MSRB2: variants seen among roughly 807,000 people sequenced by gnomAD.
The protein encoded by MSRB2 is methionine-R-sulfoxide reductase B2, mitochondrial.
Under a neutral mutation model 19.0 loss-of-function variants are expected in MSRB2, and 17 were observed. That is an observed-to-expected ratio of 0.89 (90% confidence interval 0.61 to 1.34). MSRB2 has a LOEUF of 1.34. Among genes scored for constraint, MSRB2 ranks in the 40% most tolerant of loss-of-function variants. The probability of loss-of-function intolerance (pLI) is 0.00; values close to 1 mark genes in which losing one functional copy is unlikely to be tolerated. For missense variants in MSRB2, 208 were observed against 237.6 expected, an observed-to-expected ratio of 0.88 and a Z score of 0.82; for synonymous variants, 107 against 99.7, an observed-to-expected ratio of 1.07 and a Z score of -0.44.
At chr10:23,111,193 C>T (rs533036079) in intron 3 of MSRB2, among the ~76,000 whole-genome samples, 1 of 152,318 alleles carries the variant, frequency 6.6e-6, no homozygotes, top group African/African-American at 2.4e-5. Flanking sequence ...CGATTAGCAT[C>T]GATTTTCCTC....
chr10:23,107,786 A>G (rs74121746), intron 2 of MSRB2, among the ~76,000 whole-genome samples: 1,597 of 152,224 alleles, frequency 0.01, 26 homozygotes, highest in African/African-American at 0.037. Context: ...CTGGGTTTAT[A>G]TTAGATTATC....
At chr10:23,102,646 G>A (rs532119791) in intron 1 of MSRB2, among the ~76,000 whole-genome samples, 35 of 152,324 alleles carry the variant, frequency 2.3e-4, no homozygotes, top group Admixed American at 5.2e-4. Flanking sequence ...CTTGGTTAAA[G>A]TAGTGGCATT....
intron 1 of MSRB2, among the ~76,000 whole-genome samples, chr10:23,103,762 C>A (rs1429723154): frequency 6.6e-6 from 1 of 152,182 alleles, no homozygotes; most frequent in African/African-American, 2.4e-5. Flanking sequence ...CCCAATGCCT[C>A]AACTACTTCT....
intron 3 of MSRB2, among the ~76,000 whole-genome samples, chr10:23,117,668 G>GC (rs1840126792): frequency 6.6e-6 from 1 of 152,092 alleles, no homozygotes; most frequent in Non-Finnish European, 1.5e-5. Context: ...TCCACTCACT[G>GC]CAACCACTGC....
intron 1 of MSRB2, among the ~76,000 whole-genome samples, chr10:23,096,950 C>T (rs1839875815): frequency 6.6e-6 from 1 of 152,124 alleles, no homozygotes; most frequent in Non-Finnish European, 1.5e-5. Context: ...AATGAATTGC[C>T]CTGGGATCTG....
chr10:23,120,663 C>T lies in MSRB2; in HGVS notation c.445-95C>T, dbSNP rs540518858. The T allele has an allele frequency of 1.1e-3, 875 of 817,426 alleles. 12 individuals carry two copies. The African/African-American group carries it at 0.014, about 13-fold the overall frequency. 50.6% of individuals were successfully genotyped at this position (817,426 alleles called of 1,614,324 possible). ...TTCTCCTAACACAGATGTCAGACTC[C>T]GGAGTGGAGTGATTTTGGGGGGGTT... On this transcript the variant is annotated intron_variant, in intron 4 of 4. Coordinates refer to ENST00000376510, the MANE Select transcript of MSRB2 (RefSeq NM_012228.4).
At position 23,099,259 on chromosome 10, in the gene MSRB2, G is replaced by A. The variant is rs1052509654; in HGVS notation, c.118+3533G>A. Among the ~76,000 whole-genome samples the A allele has an allele frequency of 1.9e-4, 29 of 152,200 alleles. 1 individual carries two copies. The highest frequency in any genetic ancestry group is 3.4e-4 in the Non-Finnish European group (23 of 68,042). On this transcript the variant is annotated intron_variant, in intron 1 of 4. Transcript: ENST00000376510. ...AGCCCACATATAACCTGACCTGGGT[G>A]TACCCAACTGAGCGTTCATCATTTT...
chr10:23,112,748 A>C (rs577467248), intron 3 of MSRB2, among the ~76,000 whole-genome samples: 107 of 152,044 alleles, frequency 7.0e-4, no homozygotes, highest in Non-Finnish European at 1.3e-3. Flanking sequence ...ATGCCTGGCT[A>C]ATTTTTTGTA....
rs571720676 is a variant in MSRB2, at chr10:23,111,924, T to G, written c.296+1606T>G. ...AATTTTAATTAATTTAAACTTTAAT[T>G]TTAATTAATTTAAACTTAAATGTAA... On this transcript the variant is annotated intron_variant, in intron 3 of 4. Coordinates refer to ENST00000376510, the MANE Select transcript of MSRB2 (RefSeq NM_012228.4). Among the ~76,000 whole-genome samples, 183 of 151,198 alleles carry G rather than the reference T, an allele frequency of 1.2e-3. 1 individual carries two copies. Among genetic ancestry groups the G allele is most frequent in the African/African-American group, 4.3e-3 (176 of 41,236 alleles).
chr10:23,111,727 C>T (rs1840056423), intron 3 of MSRB2, among the ~76,000 whole-genome samples: 1 of 152,186 alleles, frequency 6.6e-6, no homozygotes, highest in Admixed American at 6.5e-5. Flanking sequence ...AGCTGCTCAT[C>T]ACATAAGCTT....
chr10:23,121,718 C>G lies in MSRB2; in HGVS notation c.*856C>G, dbSNP rs1840185963. 1 of 152,172 alleles carries G rather than the reference C, an allele frequency of 6.6e-6. No individual in the cohort carries two copies. The highest frequency in any genetic ancestry group is 2.4e-5 in the African/African-American group (1 of 41,428). The allele number at this position is 152,172 out of a possible 1,614,324, so 9.4% of individuals were successfully genotyped here. A position where few individuals can be genotyped will look rare whatever the true frequency, so the allele number is the denominator to read the frequency against. On this transcript the variant is annotated 3_prime_UTR_variant, in exon 5 of 5. Coordinates refer to ENST00000376510, the MANE Select transcript of MSRB2 (RefSeq NM_012228.4). ...TCCTTGACAGACATAAGTAAGGGAT[C>G]AAGTGAGAAGAGGAAGGAAAATACA...
chr10:23,104,342 C>G lies in MSRB2; in HGVS notation c.219+98C>G. 4 of 820,034 alleles carry G rather than the reference C, an allele frequency of 4.9e-6. No individual in the cohort carries two copies. In the South Asian group the frequency reaches 7.4e-5, roughly 15 times the overall value. The allele number at this position is 820,034 out of a possible 1,614,324, so 50.8% of individuals were successfully genotyped here. A position where few individuals can be genotyped will look rare whatever the true frequency, so the allele number is the denominator to read the frequency against. On this transcript the variant is annotated intron_variant, in intron 2 of 4. Transcript: ENST00000376510. ...TATGAAACCCAGCTGCCCAGCAACACTCCACAGGCCTGGTCTTCCTCTTCC... is the reference window on the plus strand; with the variant it reads ...TATGAAACCCAGCTGCCCAGCAACAGTCCACAGGCCTGGTCTTCCTCTTCC...
intron 3 of MSRB2, among the ~76,000 whole-genome samples, chr10:23,112,099 C>G (rs983975455): frequency 2.6e-5 from 4 of 152,160 alleles, no homozygotes; most frequent in Non-Finnish European, 4.4e-5. Context: ...AGCCGATTCT[C>G]CAAAAGCCCA....
chr10:23,112,147 T>C (rs7893851), intron 3 of MSRB2, among the ~76,000 whole-genome samples: 136,552 of 152,254 alleles, frequency 0.9, 61,926 homozygotes, highest in Non-Finnish European at 0.96. Flanking sequence ...GCCAATTCAC[T>C]AACTTTATTT....
At chr10:23,113,637 G>A (rs1840078292) in intron 3 of MSRB2, among the ~76,000 whole-genome samples, 1 of 152,126 alleles carries the variant, frequency 6.6e-6, no homozygotes, top group African/African-American at 2.4e-5. Context: ...GACCTTATTT[G>A]GAAATAGGGT....
chr10:23,107,757 C>T (rs1350769716), intron 2 of MSRB2, among the ~76,000 whole-genome samples: 1 of 152,140 alleles, frequency 6.6e-6, no homozygotes, highest in East Asian at 1.9e-4. Context: ...ACCTCTGCAA[C>T]ACTAGCACCC....
At chr10:23,118,736 A>C (rs889590891) in intron 3 of MSRB2, among the ~76,000 whole-genome samples, 1 of 152,152 alleles carries the variant, frequency 6.6e-6, no homozygotes, top group African/African-American at 2.4e-5. Context: ...TGTAGGGTAG[A>C]TATTATTCCC....
intron 2 of MSRB2, among the ~76,000 whole-genome samples, chr10:23,105,212 C>CTCTG (rs1839973155): frequency 6.8e-6 from 1 of 147,074 alleles, no homozygotes; most frequent in Non-Finnish European, 1.5e-5. Flanking sequence ...CTCTGTGTGT[C>CTCTG]TGTGTGTGTG....
intron 1 of MSRB2, among the ~76,000 whole-genome samples, chr10:23,101,881 A>C (rs1001232413): frequency 6.6e-6 from 1 of 152,190 alleles, no homozygotes; most frequent in African/African-American, 2.4e-5. Flanking sequence ...GACAGTACAG[A>C]GTTCTCAAGA....
Sources: gnomAD v4.1 joint callset for allele counts (sites outside exome capture counted in the v4.1 genomes callset) on GRCh38, gnomAD v4.1.1 for gene constraint, MANE v1.5 for transcripts, NCBI Gene and HGNC (gene_info 2026-07-23, HGNC 2026-07-21) for gene names.